Variants in LUZP2 observed in about 807,000 individuals in gnomAD.
LUZP2 encodes the protein leucine zipper protein 2.
LUZP2 carries 52 observed loss-of-function variants against 51.6 expected under a neutral mutation model. The ratio of observed to expected loss-of-function variants is 1.01; its 90% CI spans 0.81 to 1.27. LUZP2 has a LOEUF of 1.27. Ranked by LOEUF, LUZP2 falls within the 50% of genes most tolerant of loss-of-function variation. The probability of loss-of-function intolerance (pLI) is 0.00; values close to 1 mark genes in which losing one functional copy is unlikely to be tolerated. For missense variants in LUZP2, 436 were observed against 395.4 expected (o/e 1.10, Z -0.87); for synonymous variants, 154 against 137.3 (o/e 1.12, Z -0.85).
rs769413005 is a variant in LUZP2, at chr11:24,600,105, A to C, written c.62+102800A>C. ...ATGTAAATTAAGATGGGTCCTACTG[A>C]AGTAAAGTGGGCTCTTAATCCAATG... On this transcript the variant is annotated intron_variant, in intron 1 of 11. Coordinates refer to ENST00000336930, the MANE Select transcript of LUZP2 (RefSeq NM_001009909.4). 2.0e-5 allele frequency among the ~76,000 whole-genome samples: 3 copies of C among 152,016 alleles called. No individual in the cohort carries two copies. The South Asian group carries it at 6.2e-4, about 32-fold the overall frequency.
intron 10 of LUZP2, among the ~76,000 whole-genome samples, chr11:25,064,529 T>C (rs1427952115): frequency 5.9e-5 from 9 of 152,112 alleles, no homozygotes; most frequent in Non-Finnish European, 1.3e-4. Context: ...CATTAGAAGA[T>C]ATACTTAACT....
At chr11:25,010,131 T>C (rs1205983301) in intron 9 of LUZP2, among the ~76,000 whole-genome samples, 2 of 152,214 alleles carry the variant, frequency 1.3e-5, no homozygotes, top group African/African-American at 4.8e-5. Context: ...CAGTCTAGCA[T>C]AGTTAAGACC....
intron 1 of LUZP2, among the ~76,000 whole-genome samples, chr11:24,534,073 G>T (rs1019546440): frequency 2.0e-5 from 3 of 151,048 alleles, no homozygotes; most frequent in African/African-American, 7.3e-5. Context: ...TAAATAAATT[G>T]TTTCCCTTTG....
intron 7 of LUZP2, among the ~76,000 whole-genome samples, chr11:24,942,722 A>G (rs1039701174): frequency 6.6e-6 from 1 of 152,200 alleles, no homozygotes; most frequent in East Asian, 1.9e-4. Flanking sequence ...AAAAACTTTT[A>G]TTTTTGATGA....
chr11:24,622,283 C>G (rs185908647), intron 1 of LUZP2, among the ~76,000 whole-genome samples: 40 of 151,576 alleles, frequency 2.6e-4, no homozygotes, highest in African/African-American at 7.7e-4. Context: ...CCCCTCTCCC[C>G]CCTCCCCACA....
intron 4 of LUZP2, among the ~76,000 whole-genome samples, chr11:24,748,652 T>A (rs1406195262): frequency 1.3e-5 from 2 of 151,974 alleles, no homozygotes; most frequent in Admixed American, 6.6e-5. Flanking sequence ...AGAGAGGGGG[T>A]TTCACCATGT....
chr11:24,971,557 A>G (rs563325023), intron 7 of LUZP2, among the ~76,000 whole-genome samples: 48 of 152,236 alleles, frequency 3.2e-4, no homozygotes, highest in Middle Eastern at 3.4e-3. Context: ...GCATGATGGG[A>G]TCTATATTGC....
intron 5 of LUZP2, among the ~76,000 whole-genome samples, chr11:24,851,997 A>T (rs1442440466): frequency 1.3e-5 from 2 of 151,618 alleles, no homozygotes; most frequent in East Asian, 3.9e-4. Flanking sequence ...TGTCTATTTG[A>T]TTCTTCTCTT....
intron 1 of LUZP2, among the ~76,000 whole-genome samples, chr11:24,515,007 T>C (rs998029082): frequency 1.3e-5 from 2 of 152,198 alleles, no homozygotes; most frequent in African/African-American, 4.8e-5. Flanking sequence ...ATCGTTGTCA[T>C]TGAAACCTCT....
At chr11:24,577,441 A>G (rs10767215) in intron 1 of LUZP2, among the ~76,000 whole-genome samples, 57,940 of 151,964 alleles carry the variant, frequency 0.38, 11,250 homozygotes, top group Middle Eastern at 0.51. Context: ...CCAATATGCT[A>G]GAGGCATAAC....
At chr11:24,999,079 T>C (rs1446189) in intron 9 of LUZP2, among the ~76,000 whole-genome samples, 108 of 152,284 alleles carry the variant, frequency 7.1e-4, no homozygotes, top group African/African-American at 2.4e-3. Context: ...CATTGAGCCC[T>C]TATCACATTT....
intron 1 of LUZP2, among the ~76,000 whole-genome samples, chr11:24,516,416 G>C (rs1320343547): frequency 6.6e-6 from 1 of 152,180 alleles, no homozygotes; most frequent in East Asian, 1.9e-4. Context: ...GGACTCCAGA[G>C]AAATGGGATA....
chr11:24,842,476 A>G (rs1471805191), intron 5 of LUZP2, among the ~76,000 whole-genome samples: 1 of 151,894 alleles, frequency 6.6e-6, no homozygotes, highest in African/African-American at 2.4e-5. Flanking sequence ...AGCAATGTAC[A>G]CTATATTAAT....
chr11:25,006,342 C>T (rs561432813), intron 9 of LUZP2, among the ~76,000 whole-genome samples: 28 of 152,104 alleles, frequency 1.8e-4, no homozygotes, highest in African/African-American at 2.7e-4. Flanking sequence ...GGGCAAGTCT[C>T]GCTTGGGCGA....
At chr11:24,667,931 A>C (rs965462376) in intron 1 of LUZP2, among the ~76,000 whole-genome samples, 2 of 152,218 alleles carry the variant, frequency 1.3e-5, no homozygotes, top group Non-Finnish European at 2.9e-5. Context: ...CACATGATAG[A>C]TATTTTCCTC....
rs1055918847 is a variant in LUZP2, at chr11:25,080,557, G to A, written c.*1899G>A. The A allele has an allele frequency of 6.6e-6, 1 of 152,060 alleles. No homozygotes were observed. Among genetic ancestry groups the A allele is most frequent in the Non-Finnish European group, 1.5e-5 (1 of 68,012 alleles). The allele number at this position is 152,060 out of a possible 1,614,324, so 9.4% of individuals were successfully genotyped here. A position where few individuals can be genotyped will look rare whatever the true frequency, so the allele number is the denominator to read the frequency against. On this transcript the variant is annotated 3_prime_UTR_variant, in exon 12 of 12. Coordinates refer to ENST00000336930, the MANE Select transcript of LUZP2 (RefSeq NM_001009909.4). ...TGACTAGGATAAAATAAAAGATGAA[G>A]GTCTGAGGTTTCTTCTGACTCCTTC...
At chr11:24,597,920 G>C (rs1853496303) in intron 1 of LUZP2, among the ~76,000 whole-genome samples, 1 of 152,062 alleles carries the variant, frequency 6.6e-6, no homozygotes, top group Admixed American at 6.6e-5. Context: ...TTGTCAACAT[G>C]GTGAACCCAG....
intron 9 of LUZP2, among the ~76,000 whole-genome samples, chr11:25,003,805 T>C (rs987758002): frequency 5.9e-5 from 9 of 152,122 alleles, no homozygotes; most frequent in African/African-American, 2.2e-4. Flanking sequence ...GGTAACTTGT[T>C]CCCCATATTC....
intron 1 of LUZP2, among the ~76,000 whole-genome samples, chr11:24,527,365 G>A (rs1020722188): frequency 2.0e-5 from 3 of 146,704 alleles, no homozygotes; most frequent in African/African-American, 7.9e-5. Context: ...TGTTTGTTAT[G>A]GATAGTTCAA....
Sources: gnomAD v4.1 joint callset for allele counts (sites outside exome capture counted in the v4.1 genomes callset) on GRCh38, gnomAD v4.1.1 for gene constraint, MANE v1.5 for transcripts, NCBI Gene and HGNC (gene_info 2026-07-23, HGNC 2026-07-21) for gene names.